The following NRG3 variants were observed in gnomAD, a reference collection of about 807,000 sequenced individuals.
NRG3 encodes the protein neuregulin 3.
Under a neutral mutation model 66.9 loss-of-function variants are expected in NRG3, and 31 were observed. The observed-to-expected ratio is 0.46, with a 90% CI of 0.35 to 0.63. The LOEUF (loss-of-function observed/expected upper bound fraction) is 0.63, where lower values mean the gene tolerates loss of function less well. Among genes scored for constraint, NRG3 ranks in the 20% least tolerant of loss-of-function variants. NRG3 has a pLI of 0.00. For synonymous variants in NRG3, 393 were observed against 359.4 expected (o/e 1.09, Z -1.06); for missense variants, 910 against 878.9 (o/e 1.04, Z -0.45).
chr10:82,218,954 G>T (rs2075812546), intron 1 of NRG3, among the ~76,000 whole-genome samples: 1 of 151,898 alleles, frequency 6.6e-6, no homozygotes, highest in African/African-American at 2.4e-5. Context: ...ACCAATCTAT[G>T]GGATACTTAA....
chr10:82,591,824 T>C (rs1565104207), intron 2 of NRG3, among the ~76,000 whole-genome samples: 2 of 152,160 alleles, frequency 1.3e-5, no homozygotes, highest in Non-Finnish European at 2.9e-5. Context: ...AGCAAAAAGG[T>C]TTTCTTTCTT....
At chr10:82,146,864 G>A (rs1564608967) in intron 1 of NRG3, among the ~76,000 whole-genome samples, 1 of 152,160 alleles carries the variant, frequency 6.6e-6, no homozygotes, top group Non-Finnish European at 1.5e-5. Flanking sequence ...AGAGAGGGGA[G>A]GCTTCCCTGA....
intron 1 of NRG3, among the ~76,000 whole-genome samples, chr10:82,118,820 C>T (rs1367961544): frequency 1.3e-5 from 2 of 152,012 alleles, no homozygotes; most frequent in African/African-American, 2.4e-5. Context: ...AGGTGAGTGA[C>T]TCCTGATGAG....
In NRG3 at chr10:81,876,144, T is replaced by C; in HGVS notation, c.804T>C (p.Thr268=). 1 of 1,594,452 alleles carries C rather than the reference T, an allele frequency of 6.3e-7. No individual in the cohort carries two copies. Among genetic ancestry groups the C allele is most frequent in the Non-Finnish European group, 8.5e-7 (1 of 1,170,280 alleles). ...SSSATTTTPE[T]STSPKFHTTT... ...CCGCTACCACCACCACACCAGAAACTAGCACCAGCCCCAAATTTCGTAAGT... is the reference window on the plus strand; with the variant it reads ...CCGCTACCACCACCACACCAGAAACCAGCACCAGCCCCAAATTTCGTAAGT... The change falls in exon 1 of 9, where the codon ACT becomes ACC. Residue 268 remains threonine (T), a synonymous_variant. Coordinates refer to ENST00000372141, the MANE Select transcript of NRG3 (RefSeq NM_001010848.4).
intron 3 of NRG3, among the ~76,000 whole-genome samples, chr10:82,770,685 A>G (rs1189738453): frequency 6.6e-6 from 1 of 152,150 alleles, no homozygotes; most frequent in Non-Finnish European, 1.5e-5. Flanking sequence ...AATGGACACC[A>G]GGGTAGACCA....
At chr10:82,630,252 A>G (rs7475288) in intron 2 of NRG3, among the ~76,000 whole-genome samples, 15,336 of 152,140 alleles carry the variant, frequency 0.1, 911 homozygotes, top group East Asian at 0.22. Context: ...AAAGTAAATA[A>G]AGAGGTAATT....
chr10:82,917,996 ATG>A (rs1554841563), intron 4 of NRG3, among the ~76,000 whole-genome samples: 8,282 of 124,266 alleles, frequency 0.067, 445 homozygotes, highest in Admixed American at 0.15. Context: ...ATATATATGT[ATG>A]TATGTATCTC....
chr10:82,652,707 G>A (rs2051523080), intron 2 of NRG3, among the ~76,000 whole-genome samples: 1 of 152,290 alleles, frequency 6.6e-6, no homozygotes, highest in South Asian at 2.1e-4. Flanking sequence ...GCTAGTCTCA[G>A]GTTTTTCGGC....
At chr10:82,309,150 G>A (rs1433995558) in intron 1 of NRG3, among the ~76,000 whole-genome samples, 5 of 152,176 alleles carry the variant, frequency 3.3e-5, no homozygotes, top group South Asian at 4.1e-4. Context: ...CTAAGATCCC[G>A]TCAAGCTCTG....
intron 3 of NRG3, among the ~76,000 whole-genome samples, chr10:82,753,964 T>C (rs1292101690): frequency 6.6e-6 from 1 of 151,298 alleles, no homozygotes; most frequent in African/African-American, 2.4e-5. Context: ...AAAAAAAAGT[T>C]CCTTCTCACT....
At chr10:82,565,829 G>T (rs77355825) in intron 2 of NRG3, among the ~76,000 whole-genome samples, 5,429 of 151,968 alleles carry the variant, frequency 0.036, 122 homozygotes, top group Non-Finnish European at 0.052. Flanking sequence ...TGATATTAAG[G>T]TCACTACAGA....
intron 1 of NRG3, among the ~76,000 whole-genome samples, chr10:81,891,937 A>G (rs537516707): frequency 7.2e-5 from 11 of 152,012 alleles, no homozygotes; most frequent in Admixed American, 2.6e-4. Context: ...CTCTCTCCCT[A>G]CCTCCCTTCC....
chr10:82,499,573 T>A (rs1323376161), intron 2 of NRG3, among the ~76,000 whole-genome samples: 3 of 152,106 alleles, frequency 2.0e-5, no homozygotes, highest in Non-Finnish European at 4.4e-5. Context: ...TTCTTAAATA[T>A]AAATGTTTTT....
At chr10:81,887,198 T>A (rs1268016234) in intron 1 of NRG3, among the ~76,000 whole-genome samples, 1 of 152,142 alleles carries the variant, frequency 6.6e-6, no homozygotes, top group Non-Finnish European at 1.5e-5. Context: ...AATGCAGATG[T>A]GTAGAAGTGC....
rs143008345 is a variant in NRG3, at chr10:82,631,452, G to A, written c.954-107125G>A. Among the ~76,000 whole-genome samples, 149 of 152,204 alleles carry A rather than the reference G, an allele frequency of 9.8e-4. 2 individuals carry two copies. Among genetic ancestry groups the A allele is most frequent in the African/African-American group, 3.4e-3 (143 of 41,526 alleles). Reference sequence around the variant, plus strand: ...CTAGTTCGGGATTCCACCCTCTTCCGAAGAGATACATACAGTCTGAAAGTA... The same window carrying A: ...CTAGTTCGGGATTCCACCCTCTTCCAAAGAGATACATACAGTCTGAAAGTA... On this transcript the variant is annotated intron_variant, in intron 2 of 8. Transcript: ENST00000372141.
intron 1 of NRG3, among the ~76,000 whole-genome samples, chr10:82,254,049 A>G (rs796984242): frequency 2.0e-5 from 3 of 151,890 alleles, no homozygotes; most frequent in African/African-American, 7.2e-5. Flanking sequence ...AGCCCCCTCT[A>G]CCCCTGTCTG....
chr10:82,493,288 AC>A (rs1343635139), intron 2 of NRG3, among the ~76,000 whole-genome samples: 1 of 151,596 alleles, frequency 6.6e-6, no homozygotes, highest in Non-Finnish European at 1.5e-5. Context: ...CCCTGACCTA[AC>A]CCCCTAACAG....
intron 1 of NRG3, among the ~76,000 whole-genome samples, chr10:82,260,238 G>A (rs1394617180): frequency 6.6e-6 from 1 of 152,196 alleles, no homozygotes; most frequent in Admixed American, 6.5e-5. Flanking sequence ...TTTGGCGTTT[G>A]TACTTGGTGC....
intron 2 of NRG3, among the ~76,000 whole-genome samples, chr10:82,636,437 A>C (rs895463989): frequency 6.6e-6 from 1 of 152,162 alleles, no homozygotes; most frequent in African/African-American, 2.4e-5. Context: ...CCAAGCCTGG[A>C]ATGTCTTTTT....
Sources: allele counts gnomAD v4.1 joint callset (sites outside exome capture counted in the v4.1 genomes callset), GRCh38; gene constraint gnomAD v4.1.1; transcripts MANE v1.5; gene names NCBI Gene and HGNC (gene_info 2026-07-23, HGNC 2026-07-21).